Variants in MYH16 observed in about 807,000 individuals in gnomAD.
MYH16 encodes the protein putative uncharacterized protein MYH16.
chr7:99,273,366 G>A (rs1792070667), exon 20 of MYH16: 1 of 456,762 alleles, frequency 2.2e-6, no homozygotes, highest in East Asian at 6.9e-5. Context: ...TCATTCAGCA[G>A]AACGTGCACA....
intron 18 of MYH16, among the ~76,000 whole-genome samples, chr7:99,267,668 C>A (rs1351902109): frequency 6.6e-6 from 1 of 152,204 alleles, no homozygotes; most frequent in East Asian, 1.9e-4. Flanking sequence ...TGAGATGGGA[C>A]TGACTCAGAC....
chr7:99,287,546 A>AT (rs1259869328), intron 28 of MYH16, among the ~76,000 whole-genome samples: 1 of 151,626 alleles, frequency 6.6e-6, no homozygotes. Flanking sequence ...AAAAAAAAAA[A>AT]AAAAAAAAAG....
intron 1 of MYH16, among the ~76,000 whole-genome samples, chr7:99,242,364 A>G (rs148033112): frequency 2.3e-4 from 35 of 152,170 alleles, no homozygotes; most frequent in African/African-American, 8.2e-4. Context: ...AACAGTGGCT[A>G]CATGTGGTGG....
chr7:99,304,205 G>A (rs1792648187), intron 39 of MYH16, among the ~76,000 whole-genome samples: 1 of 152,234 alleles, frequency 6.6e-6, no homozygotes, highest in Non-Finnish European at 1.5e-5. Context: ...AAGGGACTGA[G>A]AGGGGATAAG....
chr7:99,302,236 G>A (rs1420415976), intron 38 of MYH16, among the ~76,000 whole-genome samples: 1 of 150,454 alleles, frequency 6.6e-6, no homozygotes, highest in African/African-American at 2.5e-5. Context: ...CCCGGGAGGC[G>A]GAAGTTGCAG....
At position 99,279,739 on chromosome 7, in the gene MYH16, T is replaced by C. The variant is rs1245554633; in HGVS notation, n.2887+2T>C. ...GCCAAGACAGAGAAGGAGAAGCAGG[T>C]GAGGAGAGGCCGGGGCCCTGCCACG... On this transcript the variant is annotated splice_donor_variant and non_coding_transcript_variant, in intron 22 of 41. Transcript: ENST00000439784. 2.2e-6 allele frequency: 1 copy of C among 454,824 alleles called. No individual in the cohort carries two copies. The highest frequency in any genetic ancestry group is 2.0e-5 in the African/African-American group (1 of 49,982). The allele number at this position is 454,824 out of a possible 1,614,324, so 28.2% of individuals were successfully genotyped here.
Position 99,269,528 on chromosome 7 carries a change from G to A in MYH16, n.2267-1429G>A, listed in dbSNP as rs370205421. Among the ~76,000 whole-genome samples the A allele has an allele frequency of 1.1e-4, 17 of 152,092 alleles. No individual in the cohort carries two copies. The East Asian group carries it at 1.9e-3, about 17-fold the overall frequency. ...TGGGCTCAAGTGATCCTCCCACCTC[G>A]GCCTCCCAAAGTGTTGGGATTACAG... is the stretch of plus-strand genomic sequence containing the variant. On this transcript the variant is annotated intron_variant and non_coding_transcript_variant, in intron 18 of 41. Coordinates refer to ENST00000439784, the Ensembl canonical transcript of MYH16.
chr7:99,250,017 A>C (rs1385913620), exon 5 of MYH16: 1 of 153,022 alleles, frequency 6.5e-6, no homozygotes, highest in Non-Finnish European at 1.5e-5. Flanking sequence ...AACACGAAGA[A>C]GGTCATCCAG....
At chr7:99,250,467 G>T (rs547136396) in intron 5 of MYH16, among the ~76,000 whole-genome samples, 1 of 152,204 alleles carries the variant, frequency 6.6e-6, no homozygotes, top group Non-Finnish European at 1.5e-5. Context: ...GCGGCCAGGC[G>T]CAGTGGCTCA....
chr7:99,281,693 C>G (rs1037783843), intron 23 of MYH16, among the ~76,000 whole-genome samples: 4 of 152,184 alleles, frequency 2.6e-5, no homozygotes, highest in Non-Finnish European at 5.9e-5. Context: ...CCCAGCAAAG[C>G]CTAAGACACT....
chr7:99,271,615 A>G (rs1431217401), intron 19 of MYH16, among the ~76,000 whole-genome samples: 11 of 152,238 alleles, frequency 7.2e-5, no homozygotes, highest in Non-Finnish European at 1.5e-4. Flanking sequence ...CTGATACCTA[A>G]TAGCTATGCA....
downstream of MYH16, among the ~76,000 whole-genome samples, chr7:99,310,331 G>A (rs1792743425): frequency 6.6e-6 from 1 of 152,138 alleles, no homozygotes; most frequent in East Asian, 1.9e-4. Flanking sequence ...AACTCCATAA[G>A]GAAACCTTAC....
At chr7:99,245,172 T>C (rs1159590696) in intron 2 of MYH16, among the ~76,000 whole-genome samples, 6 of 152,200 alleles carry the variant, frequency 3.9e-5, no homozygotes, top group Admixed American at 3.9e-4. Flanking sequence ...TGAGACACTG[T>C]GTGTCATACT....
At chr7:99,270,457 G>C (rs1792033703) in intron 18 of MYH16, among the ~76,000 whole-genome samples, 1 of 151,632 alleles carries the variant, frequency 6.6e-6, no homozygotes, top group African/African-American at 2.4e-5. Context: ...GAGTAGCTAG[G>C]ACTACAGGCG....
In MYH16 at chr7:99,265,584, C is replaced by A. The variant is rs61748873; in HGVS notation, n.2042C>A. On this transcript the variant is annotated non_coding_transcript_exon_variant, in exon 17 of 42. Transcript: ENST00000439784. ...CCCCTTGGCAGGTGTGATAGACGCC[C>A]ACCTGATCATGCACCAGCTAGCTTG... 118 of 153,814 alleles carry A rather than the reference C, an allele frequency of 7.7e-4. 1 individual carries two copies. The highest frequency in any genetic ancestry group is 7.5e-4 in the Non-Finnish European group (51 of 68,184). 9.5% of individuals were successfully genotyped at this position (153,814 alleles called of 1,614,324 possible). A position where few individuals can be genotyped will look rare whatever the true frequency, so the allele number is the denominator to read the frequency against.
chr7:99,245,215 T>C (rs953444457), intron 2 of MYH16, among the ~76,000 whole-genome samples: 1 of 152,224 alleles, frequency 6.6e-6, no homozygotes, highest in African/African-American at 2.4e-5. Context: ...CTTCATCGTC[T>C]CTTTGCCTTT....
chr7:99,298,115 T>G (rs548660542), intron 36 of MYH16, 120 bp downstream of exon 17: 20 of 385,970 alleles, frequency 5.2e-5, no homozygotes, highest in Non-Finnish European at 8.7e-5. Flanking sequence ...TGAACCTTGC[T>G]GAACATGTTT....
intron 18 of MYH16, among the ~76,000 whole-genome samples, chr7:99,268,967 G>A (rs750797327): frequency 2.6e-5 from 4 of 152,052 alleles, no homozygotes; most frequent in Admixed American, 1.3e-4. Flanking sequence ...CATTCTGTCC[G>A]GACAGGAGGG....
chr7:99,240,235 G>A (rs922964276), intron 1 of MYH16, among the ~76,000 whole-genome samples: 4 of 152,028 alleles, frequency 2.6e-5, no homozygotes, highest in African/African-American at 7.3e-5. Context: ...ACCTGTGTAC[G>A]TTGCAAAAAT....
Sources: allele counts gnomAD v4.1 joint callset (sites outside exome capture counted in the v4.1 genomes callset), GRCh38; gene constraint gnomAD v4.1.1; transcripts MANE v1.5; gene names NCBI Gene and HGNC (gene_info 2026-07-23, HGNC 2026-07-21).